FOXP2: variants seen among roughly 807,000 people sequenced by gnomAD.
The protein encoded by FOXP2 is forkhead box protein P2.
A neutral mutation model predicts 115.8 loss-of-function variants in FOXP2; 12 were observed. The observed-to-expected ratio is 0.10, with a 90% CI of 0.07 to 0.17. FOXP2 has a LOEUF of 0.17. Ranked by LOEUF, FOXP2 falls within the 10% of genes least tolerant of loss-of-function variation. FOXP2 has a pLI of 1.00. For synonymous variants in FOXP2, 328 were observed against 297.7 expected, an observed-to-expected ratio of 1.10 and a Z score of -1.05; for missense variants, 629 against 843.5, an observed-to-expected ratio of 0.75 and a Z score of 3.15.
chr7:114,341,056 T>C (rs779027727), intron 2 of FOXP2, among the ~76,000 whole-genome samples: 35 of 151,324 alleles, frequency 2.3e-4, no homozygotes, highest in Non-Finnish European at 4.4e-4. Context: ...TCGTTTTAAC[T>C]TATTTATCTG....
At chr7:114,555,086 A>G (rs1800393965) in intron 3 of FOXP2, among the ~76,000 whole-genome samples, 1 of 152,198 alleles carries the variant, frequency 6.6e-6, no homozygotes, top group African/African-American at 2.4e-5. Flanking sequence ...TTACTTTTTT[A>G]ATACTTTTTT....
intron 2 of FOXP2, among the ~76,000 whole-genome samples, chr7:114,399,108 C>A (rs1368833633): frequency 9.3e-6 from 1 of 107,838 alleles, no homozygotes; most frequent in Non-Finnish European, 2.0e-5. Flanking sequence ...CTTTCTTTTT[C>A]TTTTTCTTTT....
At chr7:114,629,759 G>A (rs771853101) in intron 4 of FOXP2, 46 bp from the exon 5 acceptor site, 17 of 1,612,528 alleles carry the variant, frequency 1.1e-5, no homozygotes, top group African/African-American at 8.0e-5. Flanking sequence ...TTTATAATAC[G>A]TGAAACTTTT....
chr7:114,611,860 G>T (rs1803646412), intron 3 of FOXP2, among the ~76,000 whole-genome samples: 1 of 152,062 alleles, frequency 6.6e-6, no homozygotes, highest in South Asian at 2.1e-4. Flanking sequence ...CTGCCTTCAT[G>T]GGTAAAGACA....
chr7:114,377,284 T>C (rs1792164400), intron 2 of FOXP2, among the ~76,000 whole-genome samples: 2 of 152,088 alleles, frequency 1.3e-5, no homozygotes, highest in Non-Finnish European at 2.9e-5. Flanking sequence ...CATTGAACAC[T>C]AGGTATTAAG....
At chr7:114,267,244 C>T (rs1305784733) in intron 1 of FOXP2, among the ~76,000 whole-genome samples, 2 of 152,108 alleles carry the variant, frequency 1.3e-5, no homozygotes, top group East Asian at 1.9e-4. Context: ...GCAGCCTTTA[C>T]TAAGTCTTTT....
chr7:114,090,302 G>C (rs1402878120), intron 1 of FOXP2, among the ~76,000 whole-genome samples: 4 of 151,784 alleles, frequency 2.6e-5, no homozygotes, highest in Non-Finnish European at 5.9e-5. Context: ...TATTACAATT[G>C]CTGAATATTA....
intron 2 of FOXP2, among the ~76,000 whole-genome samples, chr7:114,428,599 A>G (rs1012991659): frequency 1.3e-4 from 19 of 151,504 alleles, no homozygotes; most frequent in Non-Finnish European, 2.8e-4. Flanking sequence ...TAATAATTTA[A>G]TAAATAAACA....
chr7:114,281,851 G>A (rs536665325), intron 1 of FOXP2, among the ~76,000 whole-genome samples: 2 of 152,042 alleles, frequency 1.3e-5, no homozygotes, highest in African/African-American at 2.4e-5. Context: ...TTCTGTGAAT[G>A]TATCTTCTTA....
chr7:114,426,437 A>G, intron 1 of FOXP2, 65 bp from the exon 2 acceptor site: 4 of 1,465,402 alleles, frequency 2.7e-6, no homozygotes, highest in Non-Finnish European at 2.9e-6. Context: ...GCAGAGAGGG[A>G]CATCTTGATA....
chr7:114,404,330 T>C (rs1331395041), intron 2 of FOXP2, among the ~76,000 whole-genome samples: 3 of 152,154 alleles, frequency 2.0e-5, no homozygotes, highest in Non-Finnish European at 4.4e-5. Context: ...TAAAAACTTA[T>C]AAACGTTTGT....
At chr7:114,420,488 A>G (rs1328587271) in intron 1 of FOXP2, among the ~76,000 whole-genome samples, 2 of 151,930 alleles carry the variant, frequency 1.3e-5, no homozygotes, top group African/African-American at 4.8e-5. Context: ...TCAGGCAAAG[A>G]CAAGAAAATC....
intron 3 of FOXP2, among the ~76,000 whole-genome samples, chr7:114,564,916 C>T (rs1187647462): frequency 2.0e-5 from 3 of 151,254 alleles, no homozygotes; most frequent in Admixed American, 6.6e-5. Flanking sequence ...GTTATTTGTG[C>T]CCATTACTCA....
chr7:114,334,240 A>C (rs1449681431), intron 2 of FOXP2, among the ~76,000 whole-genome samples: 1 of 152,120 alleles, frequency 6.6e-6, no homozygotes, highest in Non-Finnish European at 1.5e-5. Context: ...CATTCATTGC[A>C]TGCTGTATTC....
intron 1 of FOXP2, among the ~76,000 whole-genome samples, chr7:114,220,699 A>G (rs1794599110): frequency 6.6e-6 from 1 of 152,214 alleles, no homozygotes; most frequent in Admixed American, 6.5e-5. Flanking sequence ...AGAATTTTTT[A>G]GTCAAAGAAA....
chr7:114,550,446 C>T (rs901813052), intron 3 of FOXP2, among the ~76,000 whole-genome samples: 1 of 152,088 alleles, frequency 6.6e-6, no homozygotes, highest in African/African-American at 2.4e-5. Flanking sequence ...GTATTTCTTT[C>T]TTCCAACCTC....
At chr7:114,417,394 CT>C (rs1051322786) in intron 1 of FOXP2, among the ~76,000 whole-genome samples, 12 of 151,848 alleles carry the variant, frequency 7.9e-5, no homozygotes, top group African/African-American at 2.9e-4. Flanking sequence ...TTACCTAGCT[CT>C]TTTATTTAGT....
In FOXP2 at chr7:114,642,458, G is replaced by A. The variant is rs754927033; in HGVS notation, c.824G>A (p.Gly275Glu). ...EIQQLWKEVTGVHSMEDNGIK... is the reference protein window; with the variant it reads ...EIQQLWKEVTEVHSMEDNGIK... ...CAGCAGTTATGGAAAGAAGTGACTG[G>A]AGTTCACAGTATGGAAGACAATGGC... The change falls in exon 7 of 17, where the codon GGA (glycine) becomes GAA (glutamate). Residue 275 changes from glycine (G) to glutamate (E), a missense_variant. Transcript: ENST00000350908. The A allele has an allele frequency of 1.2e-6, 2 of 1,613,670 alleles. No individual in the cohort carries two copies. Among genetic ancestry groups the A allele is most frequent in the East Asian group, 2.2e-5 (1 of 44,796 alleles).
chr7:114,276,321 C>T (rs889316547), intron 1 of FOXP2, among the ~76,000 whole-genome samples: 1 of 151,970 alleles, frequency 6.6e-6, no homozygotes, highest in African/African-American at 2.4e-5. Flanking sequence ...ACATGCCTGG[C>T]TAATTTTTAT....
Sources: allele counts gnomAD v4.1 joint callset (sites outside exome capture counted in the v4.1 genomes callset), GRCh38; gene constraint gnomAD v4.1.1; transcripts MANE v1.5; gene names NCBI Gene and HGNC (gene_info 2026-07-23, HGNC 2026-07-21).